SCHIP1: variants seen among roughly 807,000 people sequenced by gnomAD.
SCHIP1 encodes schwannomin interacting protein 1, also known as schwannomin-interacting protein 1.
A neutral mutation model predicts 29.7 loss-of-function variants in SCHIP1; 8 were observed. That is an observed-to-expected ratio of 0.27 (90% CI 0.16 to 0.49). SCHIP1 has a LOEUF of 0.49. Among genes scored for constraint, SCHIP1 ranks in the 20% least tolerant of loss-of-function variants. The pLI is 0.99. For synonymous variants in SCHIP1, 76 were observed against 94.9 expected (o/e 0.80, Z 1.16); for missense variants, 193 against 294.6 (o/e 0.66, Z 2.52).
intron 1 of SCHIP1, chr3:159,840,344 G>T (rs755642033): frequency 2.6e-6 from 2 of 760,542 alleles, no homozygotes; most frequent in Non-Finnish European, 4.5e-6. Flanking sequence ...CCTTCATCAC[G>T]TGCAGTATCT....
chr3:159,279,519 G>T, the SCHIP1 span, among the ~76,000 whole-genome samples: 5 of 152,126 alleles, frequency 3.3e-5, no homozygotes, highest in Admixed American at 3.3e-4. Context: ...AAATAAAATA[G>T]ATTTTAGAGC....
At chr3:159,886,489 G>T in intron 3 of SCHIP1, 165 bp downstream of exon 4, 1 of 591,062 alleles carries the variant, frequency 1.7e-6, no homozygotes, top group African/African-American at 1.9e-5. Flanking sequence ...AAAAGTCAAA[G>T]TTGTAATAAA....
the SCHIP1 span, among the ~76,000 whole-genome samples, chr3:159,393,215 C>G: frequency 6.6e-6 from 1 of 151,988 alleles, no homozygotes; most frequent in Non-Finnish European, 1.5e-5. Context: ...GGATATTAGC[C>G]CTTTGTCAGA....
At chr3:159,870,510 A>G (rs1715141671) in intron 2 of SCHIP1, among the ~76,000 whole-genome samples, 2 of 152,030 alleles carry the variant, frequency 1.3e-5, no homozygotes, top group Admixed American at 1.3e-4. Flanking sequence ...TTAATCTATT[A>G]TATGAATTAA....
At chr3:159,535,603 T>C in the SCHIP1 span, among the ~76,000 whole-genome samples, 5 of 152,358 alleles carry the variant, frequency 3.3e-5, no homozygotes, top group South Asian at 8.3e-4. Flanking sequence ...AGCTTTGGCC[T>C]TCTCAGGGAC....
At chr3:159,853,172 G>A (rs984353249) in intron 1 of SCHIP1, 5 of 426,268 alleles carry the variant, frequency 1.2e-5, no homozygotes, top group Admixed American at 8.8e-5. Context: ...GCAGCTGCCC[G>A]GTGCCAGAGC....
the SCHIP1 span, among the ~76,000 whole-genome samples, chr3:159,323,686 A>AGGCT: frequency 6.6e-6 from 1 of 152,230 alleles, no homozygotes; most frequent in East Asian, 1.9e-4. Flanking sequence ...AGAAAAGCAA[A>AGGCT]GGCTATGTAT....
the SCHIP1 span, among the ~76,000 whole-genome samples, chr3:159,654,404 G>A: frequency 6.6e-6 from 1 of 152,050 alleles, no homozygotes; most frequent in African/African-American, 2.4e-5. Flanking sequence ...TTGGACTTCA[G>A]TTTCTGCACC....
the SCHIP1 span, among the ~76,000 whole-genome samples, chr3:159,559,077 G>A: frequency 6.6e-6 from 1 of 152,178 alleles, no homozygotes; most frequent in African/African-American, 2.4e-5. Flanking sequence ...ACAAAGGAAT[G>A]TCCCAAAAGA....
At chr3:159,305,672 C>T in the SCHIP1 span, among the ~76,000 whole-genome samples, 9 of 152,258 alleles carry the variant, frequency 5.9e-5, no homozygotes, top group Admixed American at 2.6e-4. Context: ...TAATAAGTGC[C>T]TACTGTATGT....
chr3:159,888,718 A>T lies in SCHIP1; in HGVS notation c.466-102A>T, dbSNP rs1016499174. 4 of 1,504,478 alleles carry T rather than the reference A, an allele frequency of 2.7e-6. No individual in the cohort carries two copies. In the African/African-American group the frequency reaches 5.6e-5, roughly 21 times the overall value. 93.2% of individuals were successfully genotyped at this position (1,504,478 alleles called of 1,614,324 possible). A position where few individuals can be genotyped will look rare whatever the true frequency, so the allele number is the denominator to read the frequency against. ...GGAAAGCTTTTAATCACTGAATTGC[A>T]GTGGGTGGGTGAGTGGGTCTTTTAA... On this transcript the variant is annotated intron_variant, in intron 4 of 6. Coordinates refer to ENST00000445224, the Ensembl canonical transcript of SCHIP1.
In SCHIP1 at chr3:159,866,375, G is replaced by GT. The variant is rs980122271; in HGVS notation, c.149+103dup. The GT allele has an allele frequency of 2.1e-3, 2,522 of 1,224,784 alleles. 1 individual carries two copies. Among genetic ancestry groups the GT allele is most frequent in the South Asian group, 2.8e-3 (177 of 63,352 alleles). The allele number at this position is 1,224,784 out of a possible 1,614,324, so 75.9% of individuals were successfully genotyped here. ...AAAAAAAGCCTTTAAATCTTCTGTAGTTTTTTTTTCCCCCTCGCATAATAC... is the reference window on the plus strand; with the variant it reads ...AAAAAAAGCCTTTAAATCTTCTGTAGTTTTTTTTTTCCCCCTCGCATAATAC... On this transcript the variant is annotated intron_variant, in intron 2 of 6. Transcript: ENST00000445224.
chr3:159,743,485 A>G, the SCHIP1 span, among the ~76,000 whole-genome samples: 1 of 152,252 alleles, frequency 6.6e-6, no homozygotes, highest in African/African-American at 2.4e-5. Flanking sequence ...AAAATGTTAC[A>G]TACTGTATGA....
the SCHIP1 span, among the ~76,000 whole-genome samples, chr3:159,737,026 G>A: frequency 2.6e-4 from 40 of 152,130 alleles, no homozygotes; most frequent in Non-Finnish European, 4.4e-4. Flanking sequence ...GAGCCACCAC[G>A]CCCGGCCAAA....
the SCHIP1 span, among the ~76,000 whole-genome samples, chr3:159,275,602 C>T: frequency 6.6e-6 from 1 of 152,080 alleles, no homozygotes; most frequent in Non-Finnish European, 1.5e-5. Context: ...TTTTTCCAAA[C>T]ATTTTAGTGA....
At chr3:159,740,619 C>T in the SCHIP1 span, among the ~76,000 whole-genome samples, 1 of 151,758 alleles carries the variant, frequency 6.6e-6, no homozygotes, top group African/African-American at 2.4e-5. Context: ...AGTCAAGATT[C>T]CAAGAATTAA....
the SCHIP1 span, among the ~76,000 whole-genome samples, chr3:159,830,269 T>C: frequency 1.3e-5 from 2 of 152,220 alleles, no homozygotes; most frequent in Admixed American, 6.5e-5. Flanking sequence ...CATGTTCTCA[T>C]TGAGAGACAC....
the SCHIP1 span, among the ~76,000 whole-genome samples, chr3:159,293,584 A>G: frequency 6.6e-6 from 1 of 152,230 alleles, no homozygotes; most frequent in African/African-American, 2.4e-5. Context: ...TAACAATGCC[A>G]AGTAGCAATC....
the SCHIP1 span, among the ~76,000 whole-genome samples, chr3:159,334,225 A>G: frequency 6.6e-6 from 1 of 152,274 alleles, no homozygotes; most frequent in Non-Finnish European, 1.5e-5. Context: ...AAAGTGTACG[A>G]AGAGGTTGTT....
Sources: gnomAD v4.1 joint callset for allele counts (sites outside exome capture counted in the v4.1 genomes callset) on GRCh38, gnomAD v4.1.1 for gene constraint, MANE v1.5 for transcripts, NCBI Gene and HGNC (gene_info 2026-07-23, HGNC 2026-07-21) for gene names.